The following TTC23 variants were observed in gnomAD, a reference collection of about 807,000 sequenced individuals.
The protein encoded by TTC23 is tetratricopeptide repeat protein 23.
TTC23 carries 58 observed loss-of-function variants against 55.1 expected under a neutral mutation model. The observed-to-expected ratio is 1.05, with a 90% confidence interval of 0.85 to 1.31. The LOEUF (loss-of-function observed/expected upper bound fraction) is 1.31, where lower values mean the gene tolerates loss of function less well. TTC23 is among the 50% of genes most tolerant of loss of function. TTC23 has a pLI of 0.00. For missense variants in TTC23, 516 were observed against 534.4 expected (o/e 0.97, Z 0.34); for synonymous variants, 203 against 199.9 (o/e 1.02, Z -0.13).
intron 9 of TTC23, among the ~76,000 whole-genome samples, chr15:99,191,060 C>T (rs559927240): frequency 2.0e-5 from 3 of 152,284 alleles, no homozygotes; most frequent in South Asian, 4.1e-4. Flanking sequence ...GCTGAGATTA[C>T]AGGCATGAGC....
chr15:99,167,537 T>C (rs2072296110), intron 10 of TTC23, among the ~76,000 whole-genome samples: 1 of 152,018 alleles, frequency 6.6e-6, no homozygotes, highest in African/African-American at 2.4e-5. Flanking sequence ...CAGGGTGGTT[T>C]GATGTCTCTC....
chr15:99,238,238 G>C (rs1485194581), intron 3 of TTC23, among the ~76,000 whole-genome samples: 5 of 152,014 alleles, frequency 3.3e-5, no homozygotes, highest in Non-Finnish European at 7.4e-5. Context: ...CAAAGTGCTG[G>C]ATTACAGGCA....
Position 99,136,798 on chromosome 15 carries a change from C to G in TTC23, c.*1212G>C, listed in dbSNP as rs1167684927. 6.6e-6 allele frequency: 1 copy of G among 152,182 alleles called. No homozygotes were observed. Among genetic ancestry groups the G allele is most frequent in the Non-Finnish European group, 1.5e-5 (1 of 68,042 alleles). The allele number at this position is 152,182 out of a possible 1,614,324, so 9.4% of individuals were successfully genotyped here. A position where few individuals can be genotyped will look rare whatever the true frequency, so the allele number is the denominator to read the frequency against. ...AGCACACTGCTGATGTCCGACAGGC[C>G]TGGGTCTGGGACCAGTGTGTACCAG... On this transcript the variant is annotated 3_prime_UTR_variant, in exon 14 of 14. Coordinates refer to ENST00000394132, the MANE Select transcript of TTC23 (RefSeq NM_001288615.3).
intron 4 of TTC23, among the ~76,000 whole-genome samples, chr15:99,234,368 T>C (rs1012066769): frequency 1.2e-4 from 18 of 152,086 alleles, no homozygotes; most frequent in Admixed American, 3.3e-4. Flanking sequence ...ATTTATCTAT[T>C]TATTTATTTA....
intron 3 of TTC23, among the ~76,000 whole-genome samples, chr15:99,238,012 C>A (rs2079465410): frequency 6.6e-6 from 1 of 152,188 alleles, no homozygotes; most frequent in Admixed American, 6.5e-5. Flanking sequence ...GTCACCCAGG[C>A]TGGAGTACAG....
At chr15:99,142,287 T>C (rs2151835182) in intron 12 of TTC23, among the ~76,000 whole-genome samples, 1 of 152,258 alleles carries the variant, frequency 6.6e-6, no homozygotes, top group South Asian at 2.1e-4. Context: ...AGAGGCAAGA[T>C]GCTTCCCCCA....
At chr15:99,205,396 T>A (rs1275497407) in intron 8 of TTC23, among the ~76,000 whole-genome samples, 1 of 152,224 alleles carries the variant, frequency 6.6e-6, no homozygotes, top group Non-Finnish European at 1.5e-5. Context: ...CGTAGGCACA[T>A]TTCAACAATA....
At position 99,177,851 on chromosome 15, in the gene TTC23, A is replaced by G. The variant is rs2073741152; in HGVS notation, c.760-2696T>C. ...TTTTTTTGCCATGGAGACAGAAAGC[A>G]AAGTTTTCCAAGAGCAAAATACACA... On this transcript the variant is annotated intron_variant, in intron 9 of 13. Coordinates refer to ENST00000394132, the MANE Select transcript of TTC23 (RefSeq NM_001288615.3). Among the ~76,000 whole-genome samples the G allele has an allele frequency of 3.3e-5, 5 of 152,182 alleles. No homozygotes were observed. The South Asian group carries it at 1.0e-3, about 32-fold the overall frequency.
intron 12 of TTC23, among the ~76,000 whole-genome samples, chr15:99,144,228 C>T (rs1478300844): frequency 2.0e-5 from 3 of 152,120 alleles, no homozygotes; most frequent in Non-Finnish European, 2.9e-5. Flanking sequence ...GCCAAGAAAC[C>T]TGGGATAGGT....
Position 99,138,022 on chromosome 15 carries a change from T to TGTGCC in TTC23, c.1327_1331dup (p.Thr445AlafsTer22), listed in dbSNP as rs782733857. 3 of 1,614,132 alleles carry TGTGCC rather than the reference T, an allele frequency of 1.9e-6. No individual in the cohort carries two copies. The African/African-American group carries it at 4.0e-5, about 22-fold the overall frequency. The stretch of plus-strand genomic sequence containing the variant: ...CAGGGTGGGGGCCTCAGTCTGCTGT[T>TGTGCC]GTGCCGGGCCGGGCCTTCCCCAGCA... On this transcript the variant is annotated frameshift_variant, in exon 14 of 14. Coordinates refer to ENST00000394132, the MANE Select transcript of TTC23 (RefSeq NM_001288615.3). LOFTEE classifies it high-confidence loss of function.
At chr15:99,247,887 A>G (rs1056083738) in intron 1 of TTC23, among the ~76,000 whole-genome samples, 1 of 152,162 alleles carries the variant, frequency 6.6e-6, no homozygotes, top group Non-Finnish European at 1.5e-5. Flanking sequence ...ACAATCATTG[A>G]GTTATATCCT....
intron 1 of TTC23, among the ~76,000 whole-genome samples, chr15:99,248,476 T>C (rs2080453503): frequency 6.6e-6 from 1 of 152,166 alleles, no homozygotes; most frequent in Admixed American, 6.5e-5. Flanking sequence ...ACTCACTCAC[T>C]AGTAGGGATG....
At chr15:99,199,821 A>C in intron 9 of TTC23, 98 bp downstream of exon 9, 1 of 1,265,616 alleles carries the variant, frequency 7.9e-7, no homozygotes, top group Non-Finnish European at 1.1e-6. Context: ...TCTAGAGCAA[A>C]TGACAAAGCC....
chr15:99,187,490 T>C (rs1181945763), intron 9 of TTC23, among the ~76,000 whole-genome samples: 1 of 61,982 alleles, frequency 1.6e-5, no homozygotes, highest in Non-Finnish European at 3.3e-5. Flanking sequence ...AAACCCAACA[T>C]AGACAAGTTG....
chr15:99,169,324 C>T lies in TTC23; in HGVS notation c.865+5726G>A, dbSNP rs191987176. 6.5e-3 allele frequency among the ~76,000 whole-genome samples: 976 copies of T among 151,030 alleles called. 13 individuals are homozygous for T. Among genetic ancestry groups the T allele is most frequent in the African/African-American group, 0.023 (934 of 41,266 alleles). ...TCTGAAGGGAGACAGGCAACTGGGG[C>T]GTGGCCAGCCATGGCTTACTCTCAC... On this transcript the variant is annotated intron_variant, in intron 10 of 13. Coordinates refer to ENST00000394132, the MANE Select transcript of TTC23 (RefSeq NM_001288615.3).
chr15:99,244,784 TATGG>T (rs1375876327), intron 2 of TTC23, among the ~76,000 whole-genome samples: 24 of 152,228 alleles, frequency 1.6e-4, no homozygotes, highest in African/African-American at 5.3e-4. Context: ...TGATCCTTAT[TATGG>T]ATGAATTAAG....
chr15:99,172,488 C>T (rs78965185), intron 10 of TTC23, among the ~76,000 whole-genome samples: 150 of 152,238 alleles, frequency 9.9e-4, no homozygotes, highest in African/African-American at 3.5e-3. Context: ...TTTGGTGGGC[C>T]TAAGGTGGGA....
intron 11 of TTC23, chr15:99,157,438 C>G (rs2070765213): frequency 6.6e-6 from 1 of 152,258 alleles, no homozygotes; most frequent in East Asian, 1.9e-4. Flanking sequence ...TCTTGAACTC[C>G]TGACCTCAAG....
intron 8 of TTC23, among the ~76,000 whole-genome samples, chr15:99,214,601 A>G (rs908319300): frequency 1.3e-5 from 2 of 151,646 alleles, no homozygotes; most frequent in African/African-American, 4.8e-5. Flanking sequence ...AAATTAAAAA[A>G]TATTTTTGTA....
Sources: gnomAD v4.1 joint callset for allele counts (sites outside exome capture counted in the v4.1 genomes callset) on GRCh38, gnomAD v4.1.1 for gene constraint, MANE v1.5 for transcripts, NCBI Gene and HGNC (gene_info 2026-07-23, HGNC 2026-07-21) for gene names.